Variants in PCDHGA3 observed in about 807,000 individuals in gnomAD.
The protein encoded by PCDHGA3 is protocadherin gamma subfamily A, 3, also known as protocadherin gamma-A3.
A neutral mutation model predicts 58.5 loss-of-function variants in PCDHGA3; 40 were observed. The observed-to-expected ratio is 0.68, with a 90% CI of 0.53 to 0.89. The LOEUF (loss-of-function observed/expected upper bound fraction) is 0.89. PCDHGA3 is among the 40% of genes least tolerant of loss of function. The pLI is 0.00. For missense variants in PCDHGA3, 1,223 were observed against 1,195.9 expected (o/e 1.02, Z -0.33); for synonymous variants, 530 against 525.7 (o/e 1.01, Z -0.11).
At chr5:141,423,750 TGGGGGGGG>T in intron 1 of PCDHGA3, 1 of 287,524 alleles carries the variant, frequency 3.5e-6, no homozygotes, top group Non-Finnish European at 4.5e-6. Flanking sequence ...GAAAACTGTT[TGGGGGGGG>T]GGTGGGGCGG....
Position 141,485,752 on chromosome 5 carries a change from G to A in PCDHGA3, c.2425-9055G>A. 1 of 1,614,232 alleles carries A rather than the reference G, an allele frequency of 6.2e-7. No individual in the cohort carries two copies. Among genetic ancestry groups the A allele is most frequent in the Middle Eastern group, 1.6e-4 (1 of 6,062 alleles). ...GCAGCGACGGCAGCCTGGTCCCAGA[G>A]CTGCTCCTGGAGAAGCCTTTGGATC... On this transcript the variant is annotated intron_variant, in intron 1 of 3. Coordinates refer to ENST00000253812, the MANE Select transcript of PCDHGA3 (RefSeq NM_018916.4). This position sits in a 1 kb window ranked among gnomAD's most constrained non-coding sequence, Gnocchi z 5.7.
chr5:141,423,438 C>T lies in PCDHGA3; in HGVS notation c.2425-71369C>T, dbSNP rs2096741369. 5 of 1,613,942 alleles carry T rather than the reference C, an allele frequency of 3.1e-6. No homozygotes were observed. In the East Asian group the frequency reaches 8.9e-5, roughly 29 times the overall value. On this transcript the variant is annotated intron_variant, in intron 1 of 3. Transcript: ENST00000253812. Reference sequence around the variant, plus strand: ...CTGAAGGCGGGTTGGCAGGTATGCCCACGTCACATTTTGTAGGCGTGGACG... The same window carrying T: ...CTGAAGGCGGGTTGGCAGGTATGCCTACGTCACATTTTGTAGGCGTGGACG...
chr5:141,489,246 G>A lies in PCDHGA3; in HGVS notation c.2425-5561G>A, dbSNP rs141115698. On this transcript the variant is annotated intron_variant, in intron 1 of 3. Coordinates refer to ENST00000253812, the MANE Select transcript of PCDHGA3 (RefSeq NM_018916.4). The surrounding 1 kb of genome is among the most constrained non-coding windows in gnomAD (Gnocchi z 4.5). Reference sequence around the variant, plus strand: ...CACAAAGGGACTTCTGGGTCATGGGGCCCAAGACACTCCCACAGCTCGCTG... The same window carrying A: ...CACAAAGGGACTTCTGGGTCATGGGACCCAAGACACTCCCACAGCTCGCTG... 750 of 1,544,746 alleles carry A rather than the reference G, an allele frequency of 4.9e-4. No homozygotes were observed. The highest frequency in any genetic ancestry group is 6.3e-4 in the Non-Finnish European group (726 of 1,145,538).
intron 1 of PCDHGA3, chr5:141,400,548 T>C: frequency 6.2e-7 from 1 of 1,613,656 alleles, no homozygotes; most frequent in South Asian, 1.1e-5. Context: ...ATGTCTATTC[T>C]TTTTCATTAC....
intron 1 of PCDHGA3, among the ~76,000 whole-genome samples, chr5:141,446,739 T>A (rs1292920572): frequency 2.6e-5 from 4 of 152,180 alleles, no homozygotes; most frequent in African/African-American, 7.2e-5. Flanking sequence ...AGTGTGGGGA[T>A]TACAGGCGTG....
chr5:141,382,777 C>G, intron 1 of PCDHGA3: 1 of 822,390 alleles, frequency 1.2e-6, no homozygotes. Flanking sequence ...CTGCACTAAA[C>G]TCAAGCCTCT....
chr5:141,485,805 T>C lies in PCDHGA3; in HGVS notation c.2425-9002T>C, dbSNP rs753916789. ...GAGAAGCAATCGGACTACCGCCTGG[T>C]GCTGACTGCTGTCGATGGAGGGAAC... On this transcript the variant is annotated intron_variant, in intron 1 of 3. Coordinates refer to ENST00000253812, the MANE Select transcript of PCDHGA3 (RefSeq NM_018916.4). The surrounding 1 kb of genome is among the most constrained non-coding windows in gnomAD (Gnocchi z 5.7). 1.2e-6 allele frequency: 2 copies of C among 1,614,198 alleles called. No individual in the cohort carries two copies. The highest frequency in any genetic ancestry group is 1.7e-6 in the Non-Finnish European group (2 of 1,180,026).
At chr5:141,400,065 A>G (rs1012484805) in intron 1 of PCDHGA3, 3 of 1,613,758 alleles carry the variant, frequency 1.9e-6, no homozygotes, top group African/African-American at 1.3e-5. Flanking sequence ...GTGATGGTGG[A>G]CAGCCGCCAC....
Position 141,505,556 on chromosome 5 carries a change from C to T in PCDHGA3, c.2572+75C>T, listed in dbSNP as rs2233611. ...GGGTGCATCTCACAGCCACCATGCC[C>T]ACGGACTGGATGTCAAACCTGTGTA... On this transcript the variant is annotated intron_variant, in intron 3 of 3. Transcript: ENST00000253812. 1,282 of 1,606,040 alleles carry T rather than the reference C, an allele frequency of 8.0e-4. 6 individuals are homozygous for T. In the African/African-American group the frequency reaches 0.013, roughly 16 times the overall value.
At chr5:141,361,700 A>G (rs1200553765) in intron 1 of PCDHGA3, 2 of 1,613,456 alleles carry the variant, frequency 1.2e-6, no homozygotes, top group Non-Finnish European at 1.7e-6. Context: ...GCCTTCGATC[A>G]TGAGCAGCTG....
chr5:141,401,370 G>A (rs1226150761), intron 1 of PCDHGA3, among the ~76,000 whole-genome samples: 1 of 152,028 alleles, frequency 6.6e-6, no homozygotes, highest in Non-Finnish European at 1.5e-5. Flanking sequence ...AGGAGAGGAA[G>A]AAGAAGAAAA....
rs2096175268 is a variant in PCDHGA3, at chr5:141,417,870, G to A, written c.2424+71413G>A. On this transcript the variant is annotated intron_variant, in intron 1 of 3. Transcript: ENST00000253812. ...GAACCCGAGCGAACGATGGGAGGGA[G>A]CTGCGCGCAGAGGCGCCGGGCCGGC... 3 of 1,553,910 alleles carry A rather than the reference G, an allele frequency of 1.9e-6. No homozygotes were observed. Among genetic ancestry groups the A allele is most frequent in the Admixed American group, 2.0e-5 (1 of 51,084 alleles).
At position 141,490,819 on chromosome 5, in the gene PCDHGA3, C is replaced by T; in HGVS notation, c.2425-3988C>T. Reference sequence around the variant, plus strand: ...CCAGCGTACCTTTGACTATGAATTGCTGCAGATGCTGCAGATTGTGGTGGG... The same window carrying T: ...CCAGCGTACCTTTGACTATGAATTGTTGCAGATGCTGCAGATTGTGGTGGG... On this transcript the variant is annotated intron_variant, in intron 1 of 3. Transcript: ENST00000253812. This position sits in a 1 kb window ranked among gnomAD's most constrained non-coding sequence, Gnocchi z 5.4. 2 of 1,613,842 alleles carry T rather than the reference C, an allele frequency of 1.2e-6. No individual in the cohort carries two copies. Among genetic ancestry groups the T allele is most frequent in the Non-Finnish European group, 8.5e-7 (1 of 1,179,804 alleles).
rs1757547210 is a variant in PCDHGA3, at chr5:141,345,277, T to C, written c.1244T>C (p.Ile415Thr). 6.2e-7 allele frequency: 1 copy of C among 1,613,908 alleles called. No homozygotes were observed. The change falls in exon 1 of 4, where the codon ATA becomes ACA. Residue 415 changes from isoleucine (I) to threonine (T), a missense_variant. Transcript: ENST00000253812. ...VTATSLDREQ[I>T]SEYNISLRAS... ...GCCACATCCCTGGACCGCGAACAAA[T>C]ATCAGAATATAACATTAGTCTGAGA...
In PCDHGA3 at chr5:141,346,456, A is replaced by C. The variant is rs1338617478; in HGVS notation, c.2423A>C (p.Gln808Pro). ...ATGAAAGGAGATTCCAACCTACTTCAGGTGAGTTTATTTATTTCTTTGATT... is the reference window on the plus strand; with the variant it reads ...ATGAAAGGAGATTCCAACCTACTTCCGGTGAGTTTATTTATTTCTTTGATT... The part of the protein sequence containing the change: ...LEMKGDSNLL[Q>P]QAPPNTDWRF... The change falls in exon 1 of 4, where the codon CAG becomes CCG. Residue 808 changes from glutamine to proline, a missense_variant and splice_region_variant. Around this residue, in one of 3 missense-constraint regions of PCDHGA3, gnomAD observed 325 missense variants for 327.5 expected, o/e 0.99. Coordinates refer to ENST00000253812, the MANE Select transcript of PCDHGA3 (RefSeq NM_018916.4). 1 of 1,614,202 alleles carries C rather than the reference A, an allele frequency of 6.2e-7. No individual in the cohort carries two copies. The highest frequency in any genetic ancestry group is 1.1e-5 in the South Asian group (1 of 91,084).
At chr5:141,474,323 C>T (rs1176074252) in intron 1 of PCDHGA3, among the ~76,000 whole-genome samples, 2 of 152,186 alleles carry the variant, frequency 1.3e-5, no homozygotes, top group Non-Finnish European at 2.9e-5. Context: ...GTTTTCAAAT[C>T]ACCCTGATGT....
At chr5:141,394,324 A>G in intron 1 of PCDHGA3, 1 of 1,613,922 alleles carries the variant, frequency 6.2e-7, no homozygotes. Context: ...CTGTCCTCGT[A>G]TATCTCCATC....
rs914956962 is a variant in PCDHGA3, at chr5:141,420,736, A to G, written c.2425-74071A>G. Among the ~76,000 whole-genome samples, 4 of 152,370 alleles carry G rather than the reference A, an allele frequency of 2.6e-5. No individual in the cohort carries two copies. In the East Asian group the frequency reaches 7.7e-4, roughly 29 times the overall value. On this transcript the variant is annotated intron_variant, in intron 1 of 3. Coordinates refer to ENST00000253812, the MANE Select transcript of PCDHGA3 (RefSeq NM_018916.4). ...TCGTTCCTTTCAGTCGGTTAAAATC[A>G]ATTGGAACCAACTACAACCTACAAG...
chr5:141,358,784 C>A (rs7722108), intron 1 of PCDHGA3, among the ~76,000 whole-genome samples: 8,101 of 152,166 alleles, frequency 0.053, 457 homozygotes, highest in African/African-American at 0.15. Flanking sequence ...GGTTGAGTTA[C>A]TTGGGTTCTG....
Sources: gnomAD v4.1 joint callset for allele counts (sites outside exome capture counted in the v4.1 genomes callset) on GRCh38, gnomAD v4.1.1 for gene constraint, gnomAD v4.1.1 regional missense constraint, Gnocchi (gnomAD v3.1) non-coding constraint, MANE v1.5 for transcripts, NCBI Gene and HGNC (gene_info 2026-07-23, HGNC 2026-07-21) for gene names.